Variants in MED27 observed in about 807,000 individuals in gnomAD.
The protein encoded by MED27 is mediator of RNA polymerase II transcription subunit 27.
In MED27, 30 loss-of-function variants were observed where a neutral mutation model predicts 38.2. The ratio of observed to expected loss-of-function variants is 0.79; its 90% confidence interval spans 0.59 to 1.07. MED27 has a LOEUF of 1.07. Ranked by LOEUF, MED27 falls within the 50% of genes least tolerant of loss-of-function variation. The pLI is 0.00. For synonymous variants in MED27, 122 were observed against 153.5 expected (o/e 0.79, Z 1.52); for missense variants, 289 against 397.5 (o/e 0.73, Z 2.32).
intron 2 of MED27, among the ~76,000 whole-genome samples, chr9:132,039,011 C>T (rs1465606448): frequency 6.6e-6 from 1 of 152,222 alleles, no homozygotes; most frequent in East Asian, 1.9e-4. Context: ...GGAGGTCAAC[C>T]TGGTTTCATT....
chr9:131,969,600 T>C (rs1373413824), intron 3 of MED27, among the ~76,000 whole-genome samples: 1 of 152,200 alleles, frequency 6.6e-6, no homozygotes, highest in African/African-American at 2.4e-5. Context: ...TCATTTATAC[T>C]AGGCCGCTGC....
chr9:131,956,167 GA>G (rs1831093421), intron 3 of MED27, among the ~76,000 whole-genome samples: 1 of 152,086 alleles, frequency 6.6e-6, no homozygotes, highest in South Asian at 2.1e-4. Context: ...CGCTAAGTCA[GA>G]AAAAAATAAA....
chr9:132,076,459 C>G lies in MED27; in HGVS notation c.348+983G>C, dbSNP rs182641279. Among the ~76,000 whole-genome samples, 12 of 152,182 alleles carry G rather than the reference C, an allele frequency of 7.9e-5. No individual in the cohort carries two copies. In the East Asian group the frequency reaches 1.9e-3, roughly 25 times the overall value. ...CTTCAAACCAAAGAATACTAAAACA[C>G]CCTCAAAGAGAAATTCAAAGAAAAA... On this transcript the variant is annotated intron_variant, in intron 2 of 7. Transcript: ENST00000292035.
intron 3 of MED27, among the ~76,000 whole-genome samples, chr9:131,960,104 G>T: frequency 6.6e-6 from 1 of 152,132 alleles, no homozygotes; most frequent in East Asian, 1.9e-4. Context: ...TAATTAAAGG[G>T]CACATACCTC....
chr9:131,937,889 G>C (rs930509005), intron 4 of MED27, among the ~76,000 whole-genome samples: 1 of 151,206 alleles, frequency 6.6e-6, no homozygotes, highest in Admixed American at 6.6e-5. Context: ...GCAATGGCGC[G>C]ATCTCAGCTC....
intron 2 of MED27, chr9:132,073,755 A>G: frequency 6.6e-7 from 1 of 1,511,624 alleles, no homozygotes; most frequent in Non-Finnish European, 8.8e-7. Context: ...GTAATAAAAA[A>G]AAAATCAAAC....
intron 4 of MED27, among the ~76,000 whole-genome samples, chr9:131,920,237 G>C (rs1830364150): frequency 6.6e-6 from 1 of 152,176 alleles, no homozygotes; most frequent in African/African-American, 2.4e-5. Flanking sequence ...GCAGTGTACA[G>C]ATATCCCCTC....
At chr9:131,893,239 C>T (rs1013917926) in intron 5 of MED27, among the ~76,000 whole-genome samples, 6 of 152,124 alleles carry the variant, frequency 3.9e-5, no homozygotes, top group East Asian at 1.9e-4. Context: ...ATCTCAGGCA[C>T]GGTGTTCATT....
In MED27 at chr9:131,861,383, C is replaced by T. The variant is rs1367472965; in HGVS notation, c.802-711G>A. Among the ~76,000 whole-genome samples the T allele has an allele frequency of 6.6e-6, 1 of 152,188 alleles. No homozygotes were observed. The highest frequency in any genetic ancestry group is 6.5e-5 in the Admixed American group (1 of 15,280). ...ACCCAAACGTAAAACAGCAGGCAAGCAAGTTCTCGCGGTGAAAGGGCACGT... is the reference window on the plus strand; with the variant it reads ...ACCCAAACGTAAAACAGCAGGCAAGTAAGTTCTCGCGGTGAAAGGGCACGT... On this transcript the variant is annotated intron_variant, in intron 7 of 7. Coordinates refer to ENST00000292035, the MANE Select transcript of MED27 (RefSeq NM_004269.4). The surrounding 1 kb of genome is among the most constrained non-coding windows in gnomAD (Gnocchi z 4.4).
At chr9:132,054,898 G>T (rs1398850010) in intron 2 of MED27, among the ~76,000 whole-genome samples, 3 of 152,126 alleles carry the variant, frequency 2.0e-5, no homozygotes, top group Admixed American at 1.3e-4. Context: ...CTCCACGTCT[G>T]CCTGTCAGAA....
chr9:132,063,783 C>T (rs1251299108), intron 2 of MED27, among the ~76,000 whole-genome samples: 1 of 152,048 alleles, frequency 6.6e-6, no homozygotes, highest in Non-Finnish European at 1.5e-5. Context: ...CAGATGGGAG[C>T]CTGGGGTAAT....
At chr9:131,909,116 A>T (rs1438840683) in intron 4 of MED27, among the ~76,000 whole-genome samples, 1 of 152,114 alleles carries the variant, frequency 6.6e-6, no homozygotes, top group East Asian at 1.9e-4. Context: ...AAAAGGGGAA[A>T]CTACGTAAGG....
intron 4 of MED27, among the ~76,000 whole-genome samples, chr9:131,919,625 G>A (rs1830354159): frequency 6.6e-6 from 1 of 152,024 alleles, no homozygotes; most frequent in South Asian, 2.1e-4. Context: ...TCCCAAGTAG[G>A]GGTGAGTACA....
intron 3 of MED27, among the ~76,000 whole-genome samples, chr9:131,946,528 T>C (rs1830889207): frequency 6.6e-6 from 1 of 152,204 alleles, no homozygotes; most frequent in African/African-American, 2.4e-5. Flanking sequence ...ACTTTTGCCC[T>C]CTAAAGCCAC....
At chr9:131,992,938 T>C (rs1003392115) in intron 3 of MED27, among the ~76,000 whole-genome samples, 1 of 152,218 alleles carries the variant, frequency 6.6e-6, no homozygotes, top group Admixed American at 6.5e-5. Flanking sequence ...CATTCCATTA[T>C]TATCCCCATT....
chr9:132,068,343 G>A (rs1448425261), intron 2 of MED27, among the ~76,000 whole-genome samples: 1 of 152,206 alleles, frequency 6.6e-6, no homozygotes, highest in Non-Finnish European at 1.5e-5. Context: ...AAGCCTCCAA[G>A]TGCCAGCGAG....
At chr9:132,058,535 T>C (rs1398921158) in intron 2 of MED27, among the ~76,000 whole-genome samples, 3 of 152,242 alleles carry the variant, frequency 2.0e-5, no homozygotes, top group East Asian at 3.8e-4. Flanking sequence ...CCTGCCGCCA[T>C]GTGAAGAAGG....
rs117026925 is a variant in MED27, at chr9:131,909,875, G to C, written c.574-15883C>G. Among the ~76,000 whole-genome samples, 475 of 152,250 alleles carry C rather than the reference G, an allele frequency of 3.1e-3. 2 individuals are homozygous for C. Among genetic ancestry groups the C allele is most frequent in the Non-Finnish European group, 5.6e-3 (379 of 68,006 alleles). On this transcript the variant is annotated intron_variant, in intron 4 of 7. Coordinates refer to ENST00000292035, the MANE Select transcript of MED27 (RefSeq NM_004269.4). ...TTTTATTTTGCTTCTATTTAGGGTA[G>C]CTTAAAATTAAACTGTAGTTTGTTT...
intron 2 of MED27, among the ~76,000 whole-genome samples, chr9:132,030,500 TC>T (rs1220423781): frequency 6.6e-6 from 1 of 152,080 alleles, no homozygotes; most frequent in East Asian, 1.9e-4. Context: ...TTATCATTTC[TC>T]CCTCCCGCGA....
Sources: gnomAD v4.1 joint callset for allele counts (sites outside exome capture counted in the v4.1 genomes callset) on GRCh38, gnomAD v4.1.1 for gene constraint, Gnocchi (gnomAD v3.1) non-coding constraint, MANE v1.5 for transcripts, NCBI Gene and HGNC (gene_info 2026-07-23, HGNC 2026-07-21) for gene names.